PTN: variants seen among roughly 807,000 people sequenced by gnomAD.
PTN encodes the protein pleiotrophin, also known as heparin affin regulatory protein.
In PTN, 18 loss-of-function variants were observed where a neutral mutation model predicts 24.1. The observed-to-expected ratio is 0.75, with a 90% CI of 0.52 to 1.11. PTN has a LOEUF of 1.11. Ranked by LOEUF, PTN falls within the 50% of genes least tolerant of loss-of-function variation. PTN has a pLI of 0.00. For synonymous variants in PTN, 78 were observed against 68.6 expected (o/e 1.14, Z -0.67); for missense variants, 163 against 198.8 (o/e 0.82, Z 1.08).
chr7:137,307,915 T>C (rs888238427), intron 1 of PTN, among the ~76,000 whole-genome samples: 2 of 152,130 alleles, frequency 1.3e-5, no homozygotes, highest in Non-Finnish European at 1.5e-5. Context: ...CTAAATGCCA[T>C]GAGTGAGAGG....
rs896226703 is a variant in PTN, at chr7:137,319,216, G to A, written c.-2+24223C>T. 5.9e-5 allele frequency among the ~76,000 whole-genome samples: 9 copies of A among 152,100 alleles called. No homozygotes were observed. The South Asian group carries it at 8.3e-4, about 14-fold the overall frequency. ...AGTTTACTTAATATCCCTCAGCCTCGAATTCCTCATCTGTAAAATGGGATT... is the reference window on the plus strand; with the variant it reads ...AGTTTACTTAATATCCCTCAGCCTCAAATTCCTCATCTGTAAAATGGGATT... On this transcript the variant is annotated intron_variant, in intron 1 of 4. Coordinates refer to ENST00000348225, the MANE Select transcript of PTN (RefSeq NM_002825.7).
rs1473162395 is a variant in PTN at position 137,296,346 on chromosome 7, CA to C, written c.-1-41373del. On this transcript the variant is annotated intron_variant, in intron 1 of 4. Transcript: ENST00000348225. The stretch of plus-strand genomic sequence containing the variant: ...AAATACCATATTCCTGGAGAAATTC[CA>C]AAACCAAGAAAAATTCAAGTAGACA... 4.0e-5 allele frequency among the ~76,000 whole-genome samples: 6 copies of C among 151,828 alleles called. No homozygotes were observed. In the East Asian group the frequency reaches 1.2e-3, roughly 29 times the overall value.
chr7:137,299,378 C>A (rs554673189), intron 1 of PTN, among the ~76,000 whole-genome samples: 1 of 151,984 alleles, frequency 6.6e-6, no homozygotes, highest in African/African-American at 2.4e-5. Flanking sequence ...TAGGGGATGA[C>A]CGTTAGTCCC....
chr7:137,238,416 A>C (rs1261054062), intron 4 of PTN, among the ~76,000 whole-genome samples: 1 of 152,220 alleles, frequency 6.6e-6, no homozygotes, highest in African/African-American at 2.4e-5. Context: ...CAGCACTAAG[A>C]GTGATCATTT....
intron 1 of PTN, among the ~76,000 whole-genome samples, chr7:137,342,892 G>C (rs1810557854): frequency 6.6e-6 from 1 of 152,136 alleles, no homozygotes; most frequent in African/African-American, 2.4e-5. Flanking sequence ...ACGGGTGCCA[G>C]TAGTTCCGTG....
intron 4 of PTN, chr7:137,236,114 A>G (rs1808516048): frequency 1.4e-6 from 1 of 699,740 alleles, no homozygotes; most frequent in African/African-American, 1.7e-5. Flanking sequence ...AAAGTCCCCA[A>G]TATGTCAGTT....
intron 1 of PTN, among the ~76,000 whole-genome samples, chr7:137,336,325 G>T (rs1168992281): frequency 6.6e-6 from 1 of 152,114 alleles, no homozygotes; most frequent in Non-Finnish European, 1.5e-5. Flanking sequence ...GTGGTGAGAT[G>T]CTGGTTCCTG....
At chr7:137,264,868 C>T (rs1469885768) in intron 1 of PTN, among the ~76,000 whole-genome samples, 1 of 152,070 alleles carries the variant, frequency 6.6e-6, no homozygotes, top group Non-Finnish European at 1.5e-5. Context: ...TGCCAGGGAC[C>T]TTAGACATGG....
At chr7:137,277,130 A>C (rs2128875254) in intron 1 of PTN, among the ~76,000 whole-genome samples, 1 of 152,358 alleles carries the variant, frequency 6.6e-6, no homozygotes, top group African/African-American at 2.4e-5. Flanking sequence ...ATGGGCAAAA[A>C]AACTGGACAC....
At chr7:137,253,408 G>A (rs1002382013) in intron 3 of PTN, 56 bp downstream of exon 3, 28 of 1,480,174 alleles carry the variant, frequency 1.9e-5, no homozygotes, top group Non-Finnish European at 2.5e-5. Flanking sequence ...ACATTTGGTG[G>A]AAAAATTTGA....
chr7:137,274,194 A>G (rs751780757), intron 1 of PTN, among the ~76,000 whole-genome samples: 2 of 152,132 alleles, frequency 1.3e-5, no homozygotes, highest in African/African-American at 2.4e-5. Flanking sequence ...GCCACACCCA[A>G]TAGTGCCCCC....
At chr7:137,297,746 G>A (rs1254297753) in intron 1 of PTN, among the ~76,000 whole-genome samples, 1 of 151,986 alleles carries the variant, frequency 6.6e-6, no homozygotes, top group African/African-American at 2.4e-5. Flanking sequence ...GAAGGCAGAC[G>A]GCAAACGAAT....
intron 1 of PTN, among the ~76,000 whole-genome samples, chr7:137,284,384 CT>C (rs1169677975): frequency 6.6e-6 from 1 of 152,198 alleles, no homozygotes. Flanking sequence ...ATTTTTCTTT[CT>C]TTTTTTCTAA....
intron 1 of PTN, among the ~76,000 whole-genome samples, chr7:137,340,477 C>T (rs1810516731): frequency 6.6e-6 from 1 of 152,124 alleles, no homozygotes; most frequent in Non-Finnish European, 1.5e-5. Flanking sequence ...TGTCCATAAA[C>T]ATCAGAAGGA....
At chr7:137,320,156 C>A (rs532568914) in intron 1 of PTN, among the ~76,000 whole-genome samples, 2 of 152,122 alleles carry the variant, frequency 1.3e-5, no homozygotes, top group East Asian at 1.9e-4. Context: ...TATCTTATAC[C>A]TTTATACCAT....
chr7:137,264,051 C>T (rs1265136186), intron 1 of PTN, among the ~76,000 whole-genome samples: 2 of 152,026 alleles, frequency 1.3e-5, no homozygotes, highest in Admixed American at 6.5e-5. Flanking sequence ...GCAATATTGT[C>T]CAATATTTGA....
chr7:137,336,221 C>T (rs555013458), intron 1 of PTN, among the ~76,000 whole-genome samples: 1 of 152,258 alleles, frequency 6.6e-6, no homozygotes, highest in East Asian at 1.9e-4. Context: ...AAACAAGTAA[C>T]ATCATCATCA....
chr7:137,234,720 G>A (rs571797436), intron 4 of PTN, among the ~76,000 whole-genome samples: 1 of 152,134 alleles, frequency 6.6e-6, no homozygotes, highest in East Asian at 1.9e-4. Flanking sequence ...TGAGAATTCT[G>A]AAATAAGCTT....
rs552352136 is a variant in PTN at position 137,305,611 on chromosome 7, T to A, written c.-2+37828A>T. On this transcript the variant is annotated intron_variant, in intron 1 of 4. Coordinates refer to ENST00000348225, the MANE Select transcript of PTN (RefSeq NM_002825.7). The stretch of plus-strand genomic sequence containing the variant: ...AAATAACTATTTGCATTCTTCCTCT[T>A]ATTTCATCTCTACTGACACTCTCTG... 2.6e-5 allele frequency among the ~76,000 whole-genome samples: 4 copies of A among 152,200 alleles called. No homozygotes were observed. The South Asian group carries it at 8.3e-4, about 32-fold the overall frequency.
Sources: allele counts gnomAD v4.1 joint callset (sites outside exome capture counted in the v4.1 genomes callset), GRCh38; gene constraint gnomAD v4.1.1; transcripts MANE v1.5; gene names NCBI Gene and HGNC (gene_info 2026-07-23, HGNC 2026-07-21).